C5AR1: variants seen among roughly 807,000 people sequenced by gnomAD.
The protein encoded by C5AR1 is complement C5a receptor 1.
A neutral mutation model predicts 2.4 loss-of-function variants in C5AR1; 4 were observed. The observed-to-expected ratio is 1.65, with a 90% CI of 0.81 to 3.77. The LOEUF (loss-of-function observed/expected upper bound fraction) is 3.77. Ranked by LOEUF, C5AR1 falls within the 30% of genes most tolerant of loss-of-function variation. The pLI is 0.01. For synonymous variants in C5AR1, 209 were observed against 210.4 expected, an observed-to-expected ratio of 0.99 and a Z score of 0.06; for missense variants, 418 against 462.5, an observed-to-expected ratio of 0.90 and a Z score of 0.88.
upstream of C5AR1, chr19:47,309,800 G>A (rs942865543): frequency 9.5e-6 from 13 of 1,362,650 alleles, no homozygotes; most frequent in African/African-American, 1.5e-4. Context: ...GAGAAAGACG[G>A]TCATTTCCTC....
chr19:47,316,521 A>G (rs1337734819), intron 1 of C5AR1: 1 of 150,902 alleles, frequency 6.6e-6, no homozygotes, highest in Non-Finnish European at 1.5e-5. Flanking sequence ...GCTTACTGCA[A>G]CCTCCGCCTC....
upstream of C5AR1, among the ~76,000 whole-genome samples, chr19:47,308,633 G>C (rs1218254039): frequency 6.6e-6 from 1 of 150,720 alleles, no homozygotes; most frequent in Non-Finnish European, 1.5e-5. Flanking sequence ...TCTGCTCACT[G>C]CAACCTCCGC....
Position 47,315,163 on chromosome 19 carries a change from A to G in C5AR1, c.4-4618A>G, listed in dbSNP as rs2059282750. Reference sequence around the variant, plus strand: ...CTCCCAAAGTGCTAGGATTACAGGCATGAGCCACTGCACCTGGCCAACTTT... The same window carrying G: ...CTCCCAAAGTGCTAGGATTACAGGCGTGAGCCACTGCACCTGGCCAACTTT... On this transcript the variant is annotated intron_variant, in intron 1 of 1. Coordinates refer to ENST00000355085, the MANE Select transcript of C5AR1 (RefSeq NM_001736.4). Among the ~76,000 whole-genome samples the G allele has an allele frequency of 2.6e-5, 4 of 152,178 alleles. No individual in the cohort carries two copies. The South Asian group carries it at 8.3e-4, about 31-fold the overall frequency.
upstream of C5AR1, among the ~76,000 whole-genome samples, chr19:47,309,017 C>T (rs117753564): frequency 0.021 from 3,181 of 152,162 alleles, 44 homozygotes; most frequent in Non-Finnish European, 0.029. Context: ...TCAAGTGATT[C>T]ATTTGCCTCA....
chr19:47,312,492 G>T (rs537067717), intron 1 of C5AR1, among the ~76,000 whole-genome samples: 7 of 152,146 alleles, frequency 4.6e-5, no homozygotes, highest in Non-Finnish European at 5.9e-5. Context: ...GCAGTGCCTG[G>T]TATACAGTTG....
chr19:47,320,711 C>T lies in C5AR1; in HGVS notation c.934C>T (p.Arg312Trp), dbSNP rs763510565. Residue 312 changes from arginine to tryptophan, a missense_variant, in exon 2 of 2, where the codon CGG becomes TGG. Coordinates refer to ENST00000355085, the MANE Select transcript of C5AR1 (RefSeq NM_001736.4). The surrounding 1 kb of genome is among the most constrained non-coding windows in gnomAD (Gnocchi z 4.9). ...VAGQGFQGRL[R>W]KSLPSLLRNV... ...CGGCCAGGGCTTCCAGGGCCGACTG[C>T]GGAAATCCCTCCCCAGCCTCCTCCG... 3.7e-6 allele frequency: 6 copies of T among 1,614,020 alleles called. No homozygotes were observed. Among genetic ancestry groups the T allele is most frequent in the Non-Finnish European group, 5.1e-6 (6 of 1,180,040 alleles).
intron 1 of C5AR1, among the ~76,000 whole-genome samples, chr19:47,317,507 CAA>C (rs5828299): frequency 8.7e-6 from 1 of 115,204 alleles, no homozygotes; most frequent in African/African-American, 3.6e-5. Flanking sequence ...GACTCAGTCT[CAA>C]AAAAAAAAAA....
intron 1 of C5AR1, among the ~76,000 whole-genome samples, chr19:47,311,714 G>T (rs569874237): frequency 3.9e-5 from 6 of 152,092 alleles, no homozygotes; most frequent in Middle Eastern, 3.4e-3. Flanking sequence ...ACAGGCATGC[G>T]CCACCACGCC....
chr19:47,310,577 A>T (rs2059266566), intron 1 of C5AR1, among the ~76,000 whole-genome samples: 1 of 152,076 alleles, frequency 6.6e-6, no homozygotes. Context: ...TGCAGTCTTG[A>T]ACTCTTGGGC....
Position 47,321,031 on chromosome 19 carries a change from C to T in C5AR1, c.*201C>T, listed in dbSNP as rs1178284612. The stretch of plus-strand genomic sequence containing the variant: ...TCCTCATTTGCAAGGTGAACACTTC[C>T]TTCTAGGGAGCACCCTCCCACCCCC... On this transcript the variant is annotated 3_prime_UTR_variant, in exon 2 of 2. Coordinates refer to ENST00000355085, the MANE Select transcript of C5AR1 (RefSeq NM_001736.4). 2.0e-6 allele frequency: 1 copy of T among 493,814 alleles called. No homozygotes were observed. The highest frequency in any genetic ancestry group is 3.6e-6 in the Non-Finnish European group (1 of 279,044). 30.6% of individuals were successfully genotyped at this position (493,814 alleles called of 1,614,324 possible).
chr19:47,317,472 A>G (rs2059293306), intron 1 of C5AR1, among the ~76,000 whole-genome samples: 1 of 148,304 alleles, frequency 6.7e-6, no homozygotes, highest in Non-Finnish European at 1.5e-5. Context: ...CACACCCCTG[A>G]GCTACAGCCT....
chr19:47,313,755 A>AG (rs1414677006), intron 1 of C5AR1, among the ~76,000 whole-genome samples: 2 of 150,952 alleles, frequency 1.3e-5, no homozygotes, highest in Non-Finnish European at 3.0e-5. Flanking sequence ...AAAAAAAAAA[A>AG]AGAGAGAGAG....
At chr19:47,308,261 G>T (rs1025190812), upstream of C5AR1, among the ~76,000 whole-genome samples, 2 of 149,006 alleles carry the variant, frequency 1.3e-5, no homozygotes, top group East Asian at 4.0e-4. Flanking sequence ...TGTGAACAGC[G>T]CATGTGAGGG....
intron 1 of C5AR1, among the ~76,000 whole-genome samples, chr19:47,313,743 A>AT (rs775327717): frequency 3.3e-5 from 5 of 150,630 alleles, no homozygotes; most frequent in East Asian, 2.0e-4. Flanking sequence ...ATTCCGTCTC[A>AT]TAAAAAAAAA....
In C5AR1 at chr19:47,320,837, G is replaced by C; in HGVS notation, c.*7G>C. ...GAAGACCCAGGCAGTGTAGGCGACA[G>C]CCTCATGGGCCACTGTGGCCCGATG... On this transcript the variant is annotated 3_prime_UTR_variant, in exon 2 of 2. Coordinates refer to ENST00000355085, the MANE Select transcript of C5AR1 (RefSeq NM_001736.4). This position sits in a 1 kb window ranked among gnomAD's most constrained non-coding sequence, Gnocchi z 4.9. The C allele has an allele frequency of 6.3e-7, 1 of 1,595,698 alleles. No individual in the cohort carries two copies. Among genetic ancestry groups the C allele is most frequent in the Non-Finnish European group, 8.6e-7 (1 of 1,167,648 alleles).
At chr19:47,317,350 C>A (rs1420024514) in intron 1 of C5AR1, among the ~76,000 whole-genome samples, 1 of 151,126 alleles carries the variant, frequency 6.6e-6, no homozygotes, top group East Asian at 1.9e-4. Flanking sequence ...TTTAAAAAAA[C>A]ATTAAAAATT....
At chr19:47,309,499 C>T (rs1022869895), upstream of C5AR1, among the ~76,000 whole-genome samples, 3 of 149,120 alleles carry the variant, frequency 2.0e-5, no homozygotes, top group Admixed American at 1.4e-4. Context: ...TGCTTGAACC[C>T]AGGAGGCAGA....
chr19:47,316,108 C>A (rs941167691), intron 1 of C5AR1, among the ~76,000 whole-genome samples: 1 of 151,318 alleles, frequency 6.6e-6, no homozygotes, highest in African/African-American at 2.4e-5. Flanking sequence ...CAGGTTCAAG[C>A]GATTCTCCTG....
chr19:47,318,881 ATTTTTT>A (rs34790165), intron 1 of C5AR1, among the ~76,000 whole-genome samples: 16 of 99,394 alleles, frequency 1.6e-4, no homozygotes, highest in East Asian at 2.9e-4. Flanking sequence ...TTTTTGTTCT[ATTTTTT>A]TTTTTTTTTT....
Sources: allele counts gnomAD v4.1 joint callset (sites outside exome capture counted in the v4.1 genomes callset), GRCh38; gene constraint gnomAD v4.1.1; non-coding constraint Gnocchi (gnomAD v3.1); transcripts MANE v1.5; gene names NCBI Gene and HGNC (gene_info 2026-07-23, HGNC 2026-07-21).